PCDH7: variants seen among roughly 807,000 people sequenced by gnomAD.
The protein encoded by PCDH7 is protocadherin 7.
PCDH7 carries 17 observed loss-of-function variants against 58.9 expected under a neutral mutation model. The ratio of observed to expected loss-of-function variants is 0.29; its 90% confidence interval spans 0.20 to 0.43. The LOEUF is 0.43. Among genes scored for constraint, PCDH7 ranks in the 20% least tolerant of loss-of-function variants. The pLI is 1.00. For missense variants in PCDH7, 1,274 were observed against 1,441.0 expected (o/e 0.88, Z 1.88); for synonymous variants, 664 against 616.4 (o/e 1.08, Z -1.14).
At chr4:30,740,890 T>TC (rs397733771) in intron 1 of PCDH7, among the ~76,000 whole-genome samples, 4 of 151,938 alleles carry the variant, frequency 2.6e-5, no homozygotes, top group Admixed American at 6.6e-5. Flanking sequence ...TGCTTTTTTT[T>TC]CAAAGAATAT....
intron 1 of PCDH7, among the ~76,000 whole-genome samples, chr4:30,915,765 G>A (rs577082566): frequency 7.2e-5 from 11 of 152,002 alleles, no homozygotes; most frequent in African/African-American, 2.7e-4. Flanking sequence ...CGCATGATCC[G>A]CCCACCTCAG....
rs188500843 is a variant in PCDH7 at position 30,971,456 on chromosome 4, T to C, written c.*7+21241T>C. On this transcript the variant is annotated intron_variant, in intron 3 of 3. Transcript: ENST00000509759. ...TCCCAGGTAATGCTGGCTCAATAAT[T>C]CTGGCTTTATTGGTAACTAGCATAA... Among the ~76,000 whole-genome samples the C allele has an allele frequency of 3.9e-5, 6 of 152,324 alleles. No individual in the cohort carries two copies. In the East Asian group the frequency reaches 1.2e-3, roughly 29 times the overall value.
At chr4:30,999,282 T>G (rs554973597) in intron 3 of PCDH7, among the ~76,000 whole-genome samples, 1 of 152,238 alleles carries the variant, frequency 6.6e-6, no homozygotes, top group Non-Finnish European at 1.5e-5. Context: ...CCTGTGAGCA[T>G]AATTATTGTG....
At chr4:31,014,513 A>G (rs1021076354) in intron 3 of PCDH7, among the ~76,000 whole-genome samples, 31 of 152,298 alleles carry the variant, frequency 2.0e-4, no homozygotes, top group African/African-American at 6.3e-4. Context: ...GACTGAACTG[A>G]GCAGAAGGCA....
At chr4:30,904,461 C>A (rs1469171015) in intron 1 of PCDH7, among the ~76,000 whole-genome samples, 1 of 152,076 alleles carries the variant, frequency 6.6e-6, no homozygotes, top group African/African-American at 2.4e-5. Flanking sequence ...TATAATGGGC[C>A]CACCCAGATG....
At chr4:31,049,486 T>C (rs1756573721) in intron 3 of PCDH7, among the ~76,000 whole-genome samples, 1 of 152,122 alleles carries the variant, frequency 6.6e-6, no homozygotes, top group Non-Finnish European at 1.5e-5. Context: ...AGAAATAAGC[T>C]ACATTTCTTT....
chr4:31,108,461 A>T (rs919479851), intron 3 of PCDH7, among the ~76,000 whole-genome samples: 13 of 148,656 alleles, frequency 8.7e-5, no homozygotes, highest in African/African-American at 2.9e-4. Flanking sequence ...GTGCCAAAAG[A>T]TTGAATAATC....
chr4:30,961,579 A>T (rs1748443556), intron 3 of PCDH7, among the ~76,000 whole-genome samples: 2 of 152,070 alleles, frequency 1.3e-5, no homozygotes, highest in African/African-American at 4.8e-5. Context: ...AACAAAAAAA[A>T]ACCTTGGCAC....
intron 1 of PCDH7, among the ~76,000 whole-genome samples, chr4:30,775,581 C>A (rs942781044): frequency 8.5e-5 from 13 of 152,174 alleles, no homozygotes; most frequent in African/African-American, 3.1e-4. Context: ...AATTTTGCTT[C>A]TGTTGTGCTT....
chr4:30,910,623 A>G (rs1741607662), intron 1 of PCDH7, among the ~76,000 whole-genome samples: 1 of 152,194 alleles, frequency 6.6e-6, no homozygotes, highest in Non-Finnish European at 1.5e-5. Flanking sequence ...CTCTCATACC[A>G]GTTAGAATGG....
At chr4:30,917,611 A>C (rs1438089892) in intron 1 of PCDH7, among the ~76,000 whole-genome samples, 1 of 151,898 alleles carries the variant, frequency 6.6e-6, no homozygotes, top group African/African-American at 2.4e-5. Flanking sequence ...CTAATATATA[A>C]ATAGATAAAA....
chr4:31,095,032 A>G (rs1240184517), intron 3 of PCDH7, among the ~76,000 whole-genome samples: 1 of 152,186 alleles, frequency 6.6e-6, no homozygotes, highest in Non-Finnish European at 1.5e-5. Context: ...AGTCAGGTTT[A>G]TATTTTCAGA....
chr4:30,762,067 A>T (rs1296273140), intron 1 of PCDH7, among the ~76,000 whole-genome samples: 1 of 152,206 alleles, frequency 6.6e-6, no homozygotes, highest in African/African-American at 2.4e-5. Context: ...ATATAATAAA[A>T]TAGAATTCAG....
At chr4:30,873,751 AC>A (rs1345457920) in intron 1 of PCDH7, among the ~76,000 whole-genome samples, 5 of 152,076 alleles carry the variant, frequency 3.3e-5, no homozygotes, top group African/African-American at 1.2e-4. Context: ...TGCAAATACC[AC>A]CTGACACTAA....
intron 3 of PCDH7, among the ~76,000 whole-genome samples, chr4:31,122,897 CA>C (rs1174535365): frequency 6.6e-6 from 1 of 151,812 alleles, no homozygotes; most frequent in East Asian, 1.9e-4. Context: ...TATATATCTG[CA>C]AGTCACAAAA....
intron 3 of PCDH7, among the ~76,000 whole-genome samples, chr4:31,038,925 C>T (rs1426366858): frequency 6.6e-6 from 1 of 152,162 alleles, no homozygotes; most frequent in African/African-American, 2.4e-5. Flanking sequence ...AAGTCGAAGA[C>T]TCCTTGTGTG....
chr4:31,126,664 G>A (rs1718348336), intron 3 of PCDH7, among the ~76,000 whole-genome samples: 1 of 152,066 alleles, frequency 6.6e-6, no homozygotes, highest in Non-Finnish European at 1.5e-5. Context: ...TGGCTTATTT[G>A]CGGAACAGGG....
At chr4:30,895,536 T>C (rs1739293961) in intron 1 of PCDH7, among the ~76,000 whole-genome samples, 1 of 152,170 alleles carries the variant, frequency 6.6e-6, no homozygotes, top group African/African-American at 2.4e-5. Flanking sequence ...GAATGTTATT[T>C]TCCCCTATTC....
intron 1 of PCDH7, among the ~76,000 whole-genome samples, chr4:30,865,437 G>T (rs187482657): frequency 2.0e-5 from 3 of 152,086 alleles, no homozygotes; most frequent in African/African-American, 7.2e-5. Flanking sequence ...ATCCCTAAGG[G>T]TTCTTCAGGA....
Sources: gnomAD v4.1 joint callset for allele counts (sites outside exome capture counted in the v4.1 genomes callset) on GRCh38, gnomAD v4.1.1 for gene constraint, MANE v1.5 for transcripts, NCBI Gene and HGNC (gene_info 2026-07-23, HGNC 2026-07-21) for gene names.